The following TCERG1 variants were observed in gnomAD, a reference collection of about 807,000 sequenced individuals.
TCERG1 encodes the protein TATA box binding protein (TBP)-associated factor, RNA polymerase II, S, 150kD.
TCERG1 carries 37 observed loss-of-function variants against 144.7 expected under a neutral mutation model. That is an observed-to-expected ratio of 0.26 (90% CI 0.20 to 0.34). The LOEUF (loss-of-function observed/expected upper bound fraction) is 0.34, where lower values mean the gene tolerates loss of function less well. TCERG1 is among the 10% of genes least tolerant of loss of function. The pLI is 1.00. For missense variants in TCERG1, 1,027 were observed against 1,380.7 expected (o/e 0.74, Z 4.06); for synonymous variants, 492 against 458.2 (o/e 1.07, Z -0.94).
At chr5:146,478,897 G>A (rs988026567) in intron 10 of TCERG1, among the ~76,000 whole-genome samples, 1 of 152,084 alleles carries the variant, frequency 6.6e-6, no homozygotes, top group African/African-American at 2.4e-5. Flanking sequence ...AAGATTTTCA[G>A]TTAGTCCAAG....
chr5:146,453,201 G>T (rs1762509300), intron 1 of TCERG1, among the ~76,000 whole-genome samples: 1 of 152,038 alleles, frequency 6.6e-6, no homozygotes. Flanking sequence ...GTGAGGGGTG[G>T]TGGGGCAGTG....
Position 146,507,052 on chromosome 5 carries a change from T to A in TCERG1, c.2806T>A (p.Ser936Thr), listed in dbSNP as rs781132417. The A allele has an allele frequency of 6.2e-7, 1 of 1,603,766 alleles. No individual in the cohort carries two copies. The highest frequency in any genetic ancestry group is 1.3e-5 in the African/African-American group (1 of 74,256). The change falls in exon 20 of 23, where the codon TCT becomes ACT. Residue 936 changes from serine to threonine, a missense_variant. Coordinates refer to ENST00000679501, the MANE Select transcript of TCERG1 (RefSeq NM_001382548.1). This position sits in a 1 kb window ranked among gnomAD's most constrained non-coding sequence, Gnocchi z 4.6. ...GGTACGTTCTTCAGATGTGTCATGG[T>A]CTGATACTCGTAGGACCCTCCGAAA... Reference protein sequence around the residue: ...DMVRSSDVSWSDTRRTLRKDH... With the variant: ...DMVRSSDVSWTDTRRTLRKDH...
chr5:146,482,828 G>T, intron 14 of TCERG1, 101 bp downstream of exon 14: 13 of 1,330,230 alleles, frequency 9.8e-6, no homozygotes, highest in Non-Finnish European at 1.2e-5. Flanking sequence ...CATGTTATGG[G>T]GGGGGATAAG....
At chr5:146,474,282 G>A (rs531070052) in intron 9 of TCERG1, among the ~76,000 whole-genome samples, 1 of 152,290 alleles carries the variant, frequency 6.6e-6, no homozygotes, top group South Asian at 2.1e-4. Flanking sequence ...AGATGTGATG[G>A]AAATAGCAAG....
intron 12 of TCERG1, chr5:146,480,394 A>G (rs772534171): frequency 8.3e-5 from 17 of 205,486 alleles, no homozygotes; most frequent in Non-Finnish European, 1.3e-4. Context: ...TTCCTCCCTC[A>G]TTTAGACCCC....
At chr5:146,480,342 T>TGATAG in intron 12 of TCERG1, 1 of 254,830 alleles carries the variant, frequency 3.9e-6, no homozygotes, top group South Asian at 9.0e-5. Context: ...GAATTAATTC[T>TGATAG]TTTTGGAAAT....
chr5:146,488,707 G>A (rs1409313224), intron 15 of TCERG1, among the ~76,000 whole-genome samples: 1 of 152,120 alleles, frequency 6.6e-6, no homozygotes, highest in Non-Finnish European at 1.5e-5. Context: ...ATATGATCCA[G>A]CAATCCCCCT....
Position 146,483,637 on chromosome 5 carries a change from G to A in TCERG1, c.2163+8G>A. On this transcript the variant is annotated splice_region_variant and intron_variant, in intron 15 of 22. Transcript: ENST00000679501. ...CCTAAAGAGAGAAAACAGGTAAAAG[G>A]AAAATGGCATTAACTAAGAATGTAT... 1 of 1,602,336 alleles carries A rather than the reference G, an allele frequency of 6.2e-7. No individual in the cohort carries two copies. Among genetic ancestry groups the A allele is most frequent in the East Asian group, 2.2e-5 (1 of 44,628 alleles).
chr5:146,478,755 T>C lies in TCERG1; in HGVS notation c.1762+102T>C, dbSNP rs1253475585. On this transcript the variant is annotated intron_variant, in intron 10 of 22. Transcript: ENST00000679501. ...TAGAAACCCTTTATTTTTCAAAGAA[T>C]ATAAGAAGCATTCGAAAAAAATAGA... 16 of 1,258,916 alleles carry C rather than the reference T, an allele frequency of 1.3e-5. No individual in the cohort carries two copies. In the Admixed American group the frequency reaches 2.9e-4, roughly 23 times the overall value. The allele number at this position is 1,258,916 out of a possible 1,614,324, so 78.0% of individuals were successfully genotyped here.
At position 146,447,419 on chromosome 5, in the gene TCERG1, C is replaced by T. The variant is rs748849688; in HGVS notation, c.59+11C>T. ...CCCGGGGGAGCTCAGGTAAGGAACG[C>T]TGCCCTCCTTCACATCTCTGCTCAC... On this transcript the variant is annotated intron_variant, in intron 1 of 22. Transcript: ENST00000679501. The T allele has an allele frequency of 1.1e-5, 17 of 1,610,392 alleles. No individual in the cohort carries two copies. The South Asian group carries it at 1.7e-4, about 16-fold the overall frequency.
At position 146,510,661 on chromosome 5, in the gene TCERG1, A is replaced by G. The variant is rs899470684; in HGVS notation, c.*19A>G. The G allele has an allele frequency of 5.1e-5, 82 of 1,601,502 alleles. No homozygotes were observed. Among genetic ancestry groups the G allele is most frequent in the Middle Eastern group, 1.7e-4 (1 of 6,018 alleles). On this transcript the variant is annotated 3_prime_UTR_variant, in exon 23 of 23. Coordinates refer to ENST00000679501, the MANE Select transcript of TCERG1 (RefSeq NM_001382548.1). The stretch of plus-strand genomic sequence containing the variant: ...AAAATAATTCTAAATACTCTTCCAT[A>G]GGGGCATCTATTCAAAATGCTTGCA...
chr5:146,476,235 A>G (rs940323430), intron 9 of TCERG1, among the ~76,000 whole-genome samples: 4 of 152,204 alleles, frequency 2.6e-5, no homozygotes, highest in Non-Finnish European at 4.4e-5. Context: ...AAGATACAGC[A>G]TGAGTTGATA....
At position 146,457,462 on chromosome 5, in the gene TCERG1, A is replaced by G. The variant is rs1334003549; in HGVS notation, c.438+127A>G. 5.4e-6 allele frequency: 5 copies of G among 931,796 alleles called. No individual in the cohort carries two copies. In the East Asian group the frequency reaches 1.4e-4, roughly 25 times the overall value. 57.7% of individuals were successfully genotyped at this position (931,796 alleles called of 1,614,324 possible). On this transcript the variant is annotated intron_variant, in intron 3 of 22. Coordinates refer to ENST00000679501, the MANE Select transcript of TCERG1 (RefSeq NM_001382548.1). ...GCCCTGGGTGAGCAGGGAATGGGGT[A>G]AGACTTCAGGAGAAGCTGACTGGAT...
At chr5:146,500,187 C>T (rs571803756) in intron 17 of TCERG1, among the ~76,000 whole-genome samples, 1 of 149,666 alleles carries the variant, frequency 6.7e-6, no homozygotes, top group East Asian at 2.0e-4. Context: ...AAAAAAAAGG[C>T]AGGAAATTGC....
intron 1 of TCERG1, among the ~76,000 whole-genome samples, chr5:146,451,858 G>A (rs980761920): frequency 6.0e-5 from 9 of 151,132 alleles, no homozygotes; most frequent in Admixed American, 6.0e-4. Context: ...TGCAATATCG[G>A]CTCACTGCAA....
In TCERG1 at chr5:146,478,519, G is replaced by A. The variant is rs1765056945; in HGVS notation, c.1628G>A (p.Arg543Gln). Residue 543 changes from arginine (R) to glutamine (Q), a missense_variant, in exon 10 of 23, where the codon CGG becomes CAG. Physicochemically the swap from Arg to Gln is conservative, Grantham distance 43. This residue lies in a region of TCERG1 where 482 missense variants were observed against 632.6 expected (regional missense o/e 0.76). Coordinates refer to ENST00000679501, the MANE Select transcript of TCERG1 (RefSeq NM_001382548.1). ...TGTGTCGTTTGGACTGGTGATGAGC[G>A]GGTCTTCTTTTATAATCCCACCACT... ...PWCVVWTGDE[R>Q]VFFYNPTTRL... The A allele has an allele frequency of 1.9e-6, 3 of 1,606,356 alleles. No individual in the cohort carries two copies. Among genetic ancestry groups the A allele is most frequent in the South Asian group, 2.2e-5 (2 of 89,210 alleles).
chr5:146,479,937 GCTT>G (rs1765188527), intron 11 of TCERG1, 26 bp downstream of exon 11: 1 of 1,611,766 alleles, frequency 6.2e-7, no homozygotes, highest in Admixed American at 1.7e-5. Flanking sequence ...ATAAATTGCA[GCTT>G]CTTTTTAATA....
intron 7 of TCERG1, among the ~76,000 whole-genome samples, chr5:146,470,307 C>T (rs1020722524): frequency 6.6e-6 from 1 of 152,162 alleles, no homozygotes; most frequent in African/African-American, 2.4e-5. Context: ...CCCAGCTCAC[C>T]AAACCCCCTT....
intron 14 of TCERG1, among the ~76,000 whole-genome samples, chr5:146,482,968 A>G (rs1033247560): frequency 2.6e-5 from 4 of 152,286 alleles, no homozygotes; most frequent in Middle Eastern, 3.4e-3. Context: ...GGGTCATTAA[A>G]TTGTGGTGAG....
Sources: gnomAD v4.1 joint callset for allele counts (sites outside exome capture counted in the v4.1 genomes callset) on GRCh38, gnomAD v4.1.1 for gene constraint, gnomAD v4.1.1 regional missense constraint, Gnocchi (gnomAD v3.1) non-coding constraint, MANE v1.5 for transcripts, NCBI Gene and HGNC (gene_info 2026-07-23, HGNC 2026-07-21) for gene names.